The following ATP10B variants were observed in gnomAD, a reference collection of about 807,000 sequenced individuals.
ATP10B encodes the protein phospholipid-transporting ATPase VB.
Under a neutral mutation model 141.2 loss-of-function variants are expected in ATP10B, and 122 were observed. That is an observed-to-expected ratio of 0.86 (90% CI 0.75 to 1.00). The LOEUF (loss-of-function observed/expected upper bound fraction) is 1.00. ATP10B is among the 50% of genes least tolerant of loss of function. ATP10B has a pLI of 0.00. For missense variants in ATP10B, 1,876 were observed against 1,825.3 expected, an observed-to-expected ratio of 1.03 and a Z score of -0.51; for synonymous variants, 685 against 692.0, an observed-to-expected ratio of 0.99 and a Z score of 0.16.
chr5:160,756,139 A>G lies in ATP10B; in HGVS notation c.-331+29420T>C, dbSNP rs914201420. ...AATTTCTGTTCTATAAATTATTTGC[A>G]TTATGTATTTTTTTTTTATTTTTGG... On this transcript the variant is annotated intron_variant, in intron 2 of 25. Transcript: ENST00000327245. Among the ~76,000 whole-genome samples the G allele has an allele frequency of 8.0e-4, 94 of 116,840 alleles. 2 individuals carry two copies. In the Admixed American group the frequency reaches 9.0e-3, roughly 11 times the overall value. 76.7% of individuals were successfully genotyped at this position (116,840 alleles called of 152,430 possible). A position where few individuals can be genotyped will look rare whatever the true frequency, so the allele number is the denominator to read the frequency against.
chr5:160,683,723 C>T (rs1763573195), intron 6 of ATP10B, among the ~76,000 whole-genome samples: 1 of 152,176 alleles, frequency 6.6e-6, no homozygotes, highest in Non-Finnish European at 1.5e-5. Flanking sequence ...AAGTCAAGCT[C>T]TTACCTGCTA....
the ATP10B span, among the ~76,000 whole-genome samples, chr5:160,865,985 C>A: frequency 3.3e-5 from 5 of 152,136 alleles, no homozygotes; most frequent in Non-Finnish European, 5.9e-5. Flanking sequence ...CTAATACAAC[C>A]ACTATGGATA....
intron 1 of ATP10B, among the ~76,000 whole-genome samples, chr5:160,827,558 C>G (rs988100194): frequency 6.6e-6 from 1 of 152,032 alleles, no homozygotes; most frequent in South Asian, 2.1e-4. Context: ...TTGTCAGATG[C>G]ACAGTTTACA....
chr5:160,656,706 T>G (rs1761523149), intron 7 of ATP10B, among the ~76,000 whole-genome samples: 1 of 152,206 alleles, frequency 6.6e-6, no homozygotes, highest in Non-Finnish European at 1.5e-5. Context: ...AAGGGTCTTT[T>G]TTTTTTAAAT....
chr5:160,673,596 T>C (rs1380621471), intron 6 of ATP10B, among the ~76,000 whole-genome samples: 3 of 152,240 alleles, frequency 2.0e-5, no homozygotes, highest in African/African-American at 7.2e-5. Context: ...CTCACTTTTA[T>C]TTTCTATGAA....
intron 2 of ATP10B, among the ~76,000 whole-genome samples, chr5:160,763,905 A>T (rs1034577699): frequency 6.6e-6 from 1 of 152,176 alleles, no homozygotes; most frequent in African/African-American, 2.4e-5. Flanking sequence ...AATACAAAAG[A>T]TCATTCAAGG....
chr5:160,644,298 C>A, intron 8 of ATP10B, 54 bp from the exon 9 acceptor site: 1 of 1,233,106 alleles, frequency 8.1e-7, no homozygotes, highest in South Asian at 1.2e-5. Context: ...TCCTTGCTGT[C>A]ACTGGGTACT....
chr5:160,644,334 A>C, intron 8 of ATP10B, 90 bp from the exon 9 acceptor site: 1 of 862,736 alleles, frequency 1.2e-6, no homozygotes, highest in Non-Finnish European at 2.0e-6. Flanking sequence ...GTGGTGAGTG[A>C]ACATGATCCC....
chr5:160,597,240 G>A (rs1002246861), intron 22 of ATP10B, among the ~76,000 whole-genome samples: 21 of 152,192 alleles, frequency 1.4e-4, no homozygotes, highest in Non-Finnish European at 1.5e-4. Flanking sequence ...AAATAATGCT[G>A]CATATCTACA....
intron 18 of ATP10B, 166 bp downstream of exon 18, chr5:160,612,575 G>T: frequency 1.9e-6 from 1 of 536,814 alleles, no homozygotes; most frequent in Non-Finnish European, 3.3e-6. Context: ...AGGATATTGG[G>T]CTGGATGACT....
intron 1 of ATP10B, among the ~76,000 whole-genome samples, chr5:160,822,597 T>A (rs911828241): frequency 6.6e-6 from 1 of 152,074 alleles, no homozygotes; most frequent in African/African-American, 2.4e-5. Context: ...ATAGGTAAGA[T>A]TGGGAAGCCA....
At chr5:160,761,437 C>T (rs1769034978) in intron 2 of ATP10B, among the ~76,000 whole-genome samples, 1 of 151,058 alleles carries the variant, frequency 6.6e-6, no homozygotes, top group African/African-American at 2.4e-5. Flanking sequence ...TTCCCCAGCA[C>T]CAGGGCCCAG....
At chr5:160,764,019 A>G (rs992338766) in intron 2 of ATP10B, among the ~76,000 whole-genome samples, 4 of 152,126 alleles carry the variant, frequency 2.6e-5, no homozygotes, top group Non-Finnish European at 5.9e-5. Flanking sequence ...AGAAATAGAA[A>G]CTCTGAACAG....
At chr5:160,857,838 A>T in the ATP10B span, among the ~76,000 whole-genome samples, 1 of 151,838 alleles carries the variant, frequency 6.6e-6, no homozygotes, top group South Asian at 2.1e-4. Context: ...ACTAATTTCT[A>T]GTTGGATTTC....
At chr5:160,784,380 A>G (rs1468610920) in intron 2 of ATP10B, among the ~76,000 whole-genome samples, 1 of 152,210 alleles carries the variant, frequency 6.6e-6, no homozygotes, top group Admixed American at 6.5e-5. Flanking sequence ...CTTATCTAAA[A>G]AACTAATTTT....
chr5:160,621,090 C>T, intron 14 of ATP10B, 140 bp from the exon 15 acceptor site: 1 of 1,039,986 alleles, frequency 9.6e-7, no homozygotes, highest in Non-Finnish European at 1.4e-6. Context: ...TAAGCATTGA[C>T]AATGGTCATT....
In ATP10B at chr5:160,591,153, A is replaced by G. The variant is rs753292900; in HGVS notation, c.3565-14T>C. ...CAGGTTATAGCACTGCCAGGAGAGA[A>G]CACACCAATAATTATCACCCTTATA... On this transcript the variant is annotated splice_polypyrimidine_tract_variant and intron_variant, in intron 22 of 25. Coordinates refer to ENST00000327245, the MANE Select transcript of ATP10B (RefSeq NM_025153.3). 9 of 1,607,794 alleles carry G rather than the reference A, an allele frequency of 5.6e-6. No homozygotes were observed. Among genetic ancestry groups the G allele is most frequent in the Middle Eastern group, 1.7e-4 (1 of 6,036 alleles).
In ATP10B at chr5:160,738,002, A is replaced by G. The variant is rs575007686; in HGVS notation, c.-330-20968T>C. ...ATATAACCTAACAACTCCAGCAGGC[A>G]CAGTTTTTTCAAGGATACATGCTTA... On this transcript the variant is annotated intron_variant, in intron 2 of 25. Coordinates refer to ENST00000327245, the MANE Select transcript of ATP10B (RefSeq NM_025153.3). Among the ~76,000 whole-genome samples the G allele has an allele frequency of 5.9e-5, 9 of 152,232 alleles. No individual in the cohort carries two copies. The East Asian group carries it at 1.7e-3, about 29-fold the overall frequency.
chr5:160,858,194 G>T, the ATP10B span, among the ~76,000 whole-genome samples: 2 of 151,772 alleles, frequency 1.3e-5, no homozygotes, highest in African/African-American at 2.4e-5. Flanking sequence ...CTCCCTGGTG[G>T]ATTGAGCTTT....
Sources: allele counts gnomAD v4.1 joint callset (sites outside exome capture counted in the v4.1 genomes callset), GRCh38; gene constraint gnomAD v4.1.1; transcripts MANE v1.5; gene names NCBI Gene and HGNC (gene_info 2026-07-23, HGNC 2026-07-21).